CWC27: variants seen among roughly 807,000 people sequenced by gnomAD.
CWC27 encodes CWC27 spliceosome associated cyclophilin, also known as spliceosome-associated protein CWC27 homolog.
Under a neutral mutation model 63.6 loss-of-function variants are expected in CWC27, and 47 were observed. That is an observed-to-expected ratio of 0.74 (90% CI 0.58 to 0.94). The LOEUF (loss-of-function observed/expected upper bound fraction) is 0.94, where lower values mean the gene tolerates loss of function less well. Among genes scored for constraint, CWC27 ranks in the 40% least tolerant of loss-of-function variants. The probability of loss-of-function intolerance (pLI) is 0.00; values close to 1 mark genes in which losing one functional copy is unlikely to be tolerated. For missense variants in CWC27, 495 were observed against 554.3 expected, an observed-to-expected ratio of 0.89 and a Z score of 1.07; for synonymous variants, 175 against 179.8, an observed-to-expected ratio of 0.97 and a Z score of 0.22.
chr5:64,853,241 G>A (rs144303139), intron 10 of CWC27, among the ~76,000 whole-genome samples: 66 of 152,224 alleles, frequency 4.3e-4, no homozygotes, highest in African/African-American at 1.6e-3. Flanking sequence ...TTATTTGTGG[G>A]TATATAATAA....
chr5:64,868,790 G>T (rs1047064870), intron 10 of CWC27, among the ~76,000 whole-genome samples: 7 of 151,858 alleles, frequency 4.6e-5, no homozygotes, highest in African/African-American at 1.7e-4. Flanking sequence ...GTTTCCTCAG[G>T]TGTATTTTTT....
At chr5:64,885,247 T>C (rs779996765) in intron 10 of CWC27, among the ~76,000 whole-genome samples, 196 bp from the exon 11 acceptor site, 25 of 152,142 alleles carry the variant, frequency 1.6e-4, no homozygotes, top group Non-Finnish European at 3.1e-4. Context: ...CGTATTGTTA[T>C]TATGAAAAAA....
intron 7 of CWC27, among the ~76,000 whole-genome samples, chr5:64,795,871 C>T (rs1744246437): frequency 6.6e-6 from 1 of 151,982 alleles, no homozygotes; most frequent in Non-Finnish European, 1.5e-5. Flanking sequence ...GTATGCCTAA[C>T]AACAGGCCTT....
At chr5:64,817,890 C>T (rs935485787) in intron 10 of CWC27, among the ~76,000 whole-genome samples, 23 of 152,094 alleles carry the variant, frequency 1.5e-4, no homozygotes, top group Admixed American at 3.3e-4. Flanking sequence ...TTTTGAAGCA[C>T]ATCAGTGCCT....
chr5:64,939,021 A>C (rs1186545365), intron 11 of CWC27, among the ~76,000 whole-genome samples: 1 of 152,014 alleles, frequency 6.6e-6, no homozygotes, highest in African/African-American at 2.4e-5. Context: ...CTTTTTGTGA[A>C]GTTCTTAGCT....
chr5:64,803,738 T>C (rs73101321), intron 9 of CWC27, among the ~76,000 whole-genome samples: 1,653 of 152,190 alleles, frequency 0.011, 25 homozygotes, highest in African/African-American at 0.038. Flanking sequence ...TTAGATTGCA[T>C]AGGGCCTTGA....
chr5:64,813,760 G>A (rs895561297), intron 10 of CWC27, among the ~76,000 whole-genome samples: 2 of 152,158 alleles, frequency 1.3e-5, no homozygotes, highest in Non-Finnish European at 1.5e-5. Flanking sequence ...GGCCTTTTTA[G>A]GCCATATACT....
At chr5:65,013,021 G>T (rs1749989284) in intron 13 of CWC27, among the ~76,000 whole-genome samples, 1 of 152,120 alleles carries the variant, frequency 6.6e-6, no homozygotes, top group Admixed American at 6.6e-5. Flanking sequence ...GGATGCAGGG[G>T]CTCTAGAAAT....
rs910228878 is a variant in CWC27, at chr5:65,018,350, T to G, written c.*29T>G. 32 of 1,561,676 alleles carry G rather than the reference T, an allele frequency of 2.0e-5. No homozygotes were observed. Among genetic ancestry groups the G allele is most frequent in the Non-Finnish European group, 2.8e-5 (32 of 1,157,402 alleles). ...GAGAATAATGATAACCAGAACTTGCTGGAAATGTGCCTACAATGGCCTTGT... is the reference window on the plus strand; with the variant it reads ...GAGAATAATGATAACCAGAACTTGCGGGAAATGTGCCTACAATGGCCTTGT... On this transcript the variant is annotated 3_prime_UTR_variant, in exon 14 of 14. Transcript: ENST00000381070.
chr5:64,952,003 G>T (rs1748719880), intron 11 of CWC27, among the ~76,000 whole-genome samples: 1 of 151,802 alleles, frequency 6.6e-6, no homozygotes, highest in African/African-American at 2.4e-5. Context: ...GAATACAGTT[G>T]TCCCTCAGTA....
At chr5:64,770,272 A>G (rs1433228782) in intron 1 of CWC27, among the ~76,000 whole-genome samples, 1 of 152,198 alleles carries the variant, frequency 6.6e-6, no homozygotes, top group Non-Finnish European at 1.5e-5. Context: ...TCTCCTGGGC[A>G]TTGTAGATTA....
chr5:64,779,993 A>C (rs1234052334), intron 2 of CWC27, among the ~76,000 whole-genome samples: 1 of 152,176 alleles, frequency 6.6e-6, no homozygotes, highest in Non-Finnish European at 1.5e-5. Context: ...CTGTCAATTA[A>C]ACCTCTTTCC....
intron 13 of CWC27, among the ~76,000 whole-genome samples, chr5:65,012,264 A>G (rs1341529124): frequency 3.9e-5 from 6 of 152,246 alleles, no homozygotes; most frequent in Non-Finnish European, 7.3e-5. Flanking sequence ...AGAAGAAAGT[A>G]TCTGGTCAAG....
chr5:64,887,029 T>C (rs1190640830), intron 11 of CWC27, among the ~76,000 whole-genome samples: 2 of 152,094 alleles, frequency 1.3e-5, no homozygotes, highest in African/African-American at 4.8e-5. Context: ...GAAAGATCTT[T>C]CAACTAGAAA....
At chr5:64,996,721 CTT>C (rs1300246210) in intron 13 of CWC27, among the ~76,000 whole-genome samples, 2 of 152,086 alleles carry the variant, frequency 1.3e-5, no homozygotes, top group African/African-American at 4.8e-5. Flanking sequence ...GACATTCTCT[CTT>C]GTTTGTGATT....
intron 2 of CWC27, among the ~76,000 whole-genome samples, chr5:64,776,102 AGAGAGAGAGAGAGAGAGAGAAT>A (rs749914547): frequency 1.3e-5 from 2 of 149,950 alleles, no homozygotes; most frequent in South Asian, 4.2e-4. Context: ...AGAGAGAGAG[AGAGAGAGAGAGAGAGAGAGAAT>A]GAAAGGACAT....
At chr5:64,850,071 A>G (rs1294369592) in intron 10 of CWC27, among the ~76,000 whole-genome samples, 1 of 152,174 alleles carries the variant, frequency 6.6e-6, no homozygotes, top group Non-Finnish European at 1.5e-5. Flanking sequence ...TAAAATTCAT[A>G]TGAAACTACA....
chr5:64,964,585 A>C (rs190537642), intron 11 of CWC27, among the ~76,000 whole-genome samples: 2 of 152,230 alleles, frequency 1.3e-5, no homozygotes, highest in African/African-American at 4.8e-5. Flanking sequence ...GACACAAAGA[A>C]GCATTAAGTT....
chr5:64,969,171 T>G (rs1367425787), intron 11 of CWC27, among the ~76,000 whole-genome samples: 1 of 152,232 alleles, frequency 6.6e-6, no homozygotes, highest in African/African-American at 2.4e-5. Context: ...GAATCTGTTT[T>G]GAAAGTTGTA....
Sources: gnomAD v4.1 joint callset for allele counts (sites outside exome capture counted in the v4.1 genomes callset) on GRCh38, gnomAD v4.1.1 for gene constraint, MANE v1.5 for transcripts, NCBI Gene and HGNC (gene_info 2026-07-23, HGNC 2026-07-21) for gene names.